The following ABTB2 variants were observed in gnomAD, a reference collection of about 807,000 sequenced individuals.
The protein encoded by ABTB2 is ankyrin repeat and BTB/POZ domain-containing protein 2.
Under a neutral mutation model 104.1 loss-of-function variants are expected in ABTB2, and 56 were observed. The observed-to-expected ratio is 0.54, with a 90% CI of 0.43 to 0.67. The LOEUF (loss-of-function observed/expected upper bound fraction) is 0.67, where lower values mean the gene tolerates loss of function less well. Ranked by LOEUF, ABTB2 falls within the 30% of genes least tolerant of loss-of-function variation. The pLI is 0.00. For synonymous variants in ABTB2, 606 were observed against 608.2 expected, an observed-to-expected ratio of 1.00 and a Z score of 0.05; for missense variants, 1,279 against 1,407.7, an observed-to-expected ratio of 0.91 and a Z score of 1.46.
At chr11:34,221,262 C>A (rs575579781) in intron 1 of ABTB2, among the ~76,000 whole-genome samples, 2 of 152,194 alleles carry the variant, frequency 1.3e-5, no homozygotes, top group Non-Finnish European at 2.9e-5. Context: ...TGAGCCACCA[C>A]GCCTGGCCCA....
At chr11:34,352,039 A>G (rs1855405943) in intron 1 of ABTB2, among the ~76,000 whole-genome samples, 1 of 152,218 alleles carries the variant, frequency 6.6e-6, no homozygotes, top group Admixed American at 6.5e-5. Flanking sequence ...CATCCTTCAG[A>G]CTACCCAGGT....
At chr11:34,253,858 G>T (rs985792709) in intron 1 of ABTB2, among the ~76,000 whole-genome samples, 1 of 152,096 alleles carries the variant, frequency 6.6e-6, no homozygotes, top group South Asian at 2.1e-4. Context: ...CTGGTATGCA[G>T]GGCACTGAAG....
At chr11:34,216,070 G>T (rs1853545953) in intron 1 of ABTB2, among the ~76,000 whole-genome samples, 1 of 152,200 alleles carries the variant, frequency 6.6e-6, no homozygotes, top group Non-Finnish European at 1.5e-5. Flanking sequence ...ATGCTCTGGG[G>T]ATATGAAAGT....
Position 34,192,449 on chromosome 11 carries a change from G to A in ABTB2, c.1244+4876C>T, listed in dbSNP as rs2473907. Among the ~76,000 whole-genome samples the A allele has an allele frequency of 2.2e-3, 342 of 152,286 alleles. 1 individual carries two copies. Among genetic ancestry groups the A allele is most frequent in the African/African-American group, 7.9e-3 (330 of 41,566 alleles). On this transcript the variant is annotated intron_variant, in intron 3 of 16. Coordinates refer to ENST00000435224, the MANE Select transcript of ABTB2 (RefSeq NM_145804.3). The stretch of plus-strand genomic sequence containing the variant: ...GAATAGCAGGGCCCTCCTCAGATGG[G>A]GCTATTCTGGCTGGCTACGAAGTCA...
chr11:34,194,379 G>C (rs774333799), intron 3 of ABTB2, among the ~76,000 whole-genome samples: 1 of 152,240 alleles, frequency 6.6e-6, no homozygotes. Context: ...ATGCTTCCAG[G>C]TGGGACAGAG....
chr11:34,330,088 A>G (rs1475618273), intron 1 of ABTB2, among the ~76,000 whole-genome samples: 1 of 152,188 alleles, frequency 6.6e-6, no homozygotes, highest in Non-Finnish European at 1.5e-5. Context: ...GTCTTGGGTA[A>G]CGACAAAGCA....
chr11:34,265,200 C>T (rs1270798168), intron 1 of ABTB2, among the ~76,000 whole-genome samples: 1 of 152,212 alleles, frequency 6.6e-6, no homozygotes, highest in Non-Finnish European at 1.5e-5. Flanking sequence ...GCATATAAGA[C>T]AACTCACAAA....
intron 14 of ABTB2, among the ~76,000 whole-genome samples, chr11:34,155,330 C>T (rs1239006648): frequency 6.6e-6 from 1 of 152,210 alleles, no homozygotes; most frequent in African/African-American, 2.4e-5. Flanking sequence ...TGTGCTTCCT[C>T]AAAAAGAAAG....
intron 1 of ABTB2, among the ~76,000 whole-genome samples, chr11:34,320,244 A>G (rs1255518943): frequency 1.3e-5 from 2 of 152,200 alleles, no homozygotes; most frequent in African/African-American, 2.4e-5. Context: ...GATGACCCAA[A>G]TAGAAATTTA....
At chr11:34,297,796 G>GAAAAAAAAAACAAAT (rs1554923796) in intron 1 of ABTB2, among the ~76,000 whole-genome samples, 1 of 123,072 alleles carries the variant, frequency 8.1e-6, no homozygotes, top group African/African-American at 3.2e-5. Context: ...AAAAATAAAG[G>GAAAAAAAAAACAAAT]AAAGAAAAAG....
chr11:34,311,070 T>A (rs1854846925), intron 1 of ABTB2, among the ~76,000 whole-genome samples: 1 of 152,148 alleles, frequency 6.6e-6, no homozygotes, highest in African/African-American at 2.4e-5. Context: ...TCCACTGCCT[T>A]CAGTTTCTGA....
chr11:34,239,535 T>C (rs1853887777), intron 1 of ABTB2, among the ~76,000 whole-genome samples: 1 of 152,056 alleles, frequency 6.6e-6, no homozygotes, highest in African/African-American at 2.4e-5. Flanking sequence ...CTCACTATGT[T>C]GCCCAGACTG....
chr11:34,162,424 C>T (rs2133007162), intron 10 of ABTB2, 152 bp downstream of exon 10: 1 of 843,150 alleles, frequency 1.2e-6, no homozygotes, highest in Non-Finnish European at 1.8e-6. Context: ...CAGGGGGGTC[C>T]CAGCCTCCAC....
At chr11:34,298,974 A>T (rs945122835) in intron 1 of ABTB2, among the ~76,000 whole-genome samples, 1 of 152,236 alleles carries the variant, frequency 6.6e-6, no homozygotes, top group African/African-American at 2.4e-5. Context: ...TGAATGATTG[A>T]AGACACAGCT....
intron 1 of ABTB2, among the ~76,000 whole-genome samples, chr11:34,333,990 T>C (rs1426520344): frequency 6.9e-6 from 1 of 144,702 alleles, no homozygotes; most frequent in African/African-American, 2.6e-5. Flanking sequence ...GCTTCCCCTT[T>C]CCACTAAGGG....
Position 34,280,275 on chromosome 11 carries a change from G to A in ABTB2, c.884-75585C>T, listed in dbSNP as rs1854434947. On this transcript the variant is annotated intron_variant, in intron 1 of 16. Coordinates refer to ENST00000435224, the MANE Select transcript of ABTB2 (RefSeq NM_145804.3). Reference sequence around the variant, plus strand: ...TACACAGCACAGCATTGCAAAGGGAGTGGGTGAGTCTGGAGCTAAGACAGT... The same window carrying A: ...TACACAGCACAGCATTGCAAAGGGAATGGGTGAGTCTGGAGCTAAGACAGT... Among the ~76,000 whole-genome samples the A allele has an allele frequency of 2.0e-5, 3 of 152,252 alleles. No individual in the cohort carries two copies. The South Asian group carries it at 6.2e-4, about 32-fold the overall frequency.
chr11:34,258,914 C>T (rs1407398244), intron 1 of ABTB2, among the ~76,000 whole-genome samples: 1 of 152,138 alleles, frequency 6.6e-6, no homozygotes, highest in Non-Finnish European at 1.5e-5. Context: ...AGTGCCTGCT[C>T]TTGTTAGGGA....
At chr11:34,229,348 G>A (rs1374208507) in intron 1 of ABTB2, among the ~76,000 whole-genome samples, 2 of 151,466 alleles carry the variant, frequency 1.3e-5, no homozygotes, top group African/African-American at 4.8e-5. Context: ...AGGTGTGGTG[G>A]CGGGCGCCTG....
intron 3 of ABTB2, among the ~76,000 whole-genome samples, chr11:34,180,810 CAAGGGTCTCCT>C (rs1853016828): frequency 6.6e-6 from 1 of 152,184 alleles, no homozygotes; most frequent in Non-Finnish European, 1.5e-5. Context: ...TTGTTCAATC[CAAGGGTCTCCT>C]AAGGCCCCTC....
Sources: allele counts gnomAD v4.1 joint callset (sites outside exome capture counted in the v4.1 genomes callset), GRCh38; gene constraint gnomAD v4.1.1; transcripts MANE v1.5; gene names NCBI Gene and HGNC (gene_info 2026-07-23, HGNC 2026-07-21).